Variants in GRM3 observed in about 807,000 individuals in gnomAD.
The protein encoded by GRM3 is metabotropic glutamate receptor 3.
In GRM3, 26 loss-of-function variants were observed where a neutral mutation model predicts 70.5. That is an observed-to-expected ratio of 0.37 (90% confidence interval 0.27 to 0.51). The LOEUF is 0.51. Ranked by LOEUF, GRM3 falls within the 20% of genes least tolerant of loss-of-function variation. The pLI is 0.93. For missense variants in GRM3, 859 were observed against 1,123.8 expected (o/e 0.76, Z 3.37); for synonymous variants, 443 against 434.9 (o/e 1.02, Z -0.23).
intron 2 of GRM3, among the ~76,000 whole-genome samples, chr7:86,778,372 A>G (rs1796951461): frequency 6.6e-6 from 1 of 152,186 alleles, no homozygotes; most frequent in Non-Finnish European, 1.5e-5. Context: ...TAATTCTCAT[A>G]GCACTAAAAA....
At chr7:86,661,600 G>A in intron 1 of GRM3, among the ~76,000 whole-genome samples, 1 of 151,928 alleles carries the variant, frequency 6.6e-6, no homozygotes, top group East Asian at 1.9e-4. Context: ...TTTTCCTAAG[G>A]TTAGAAAAAT....
At chr7:86,667,776 T>C (rs1234815434) in intron 1 of GRM3, among the ~76,000 whole-genome samples, 1 of 152,154 alleles carries the variant, frequency 6.6e-6, no homozygotes, top group Admixed American at 6.6e-5. Context: ...AACGGTGTAC[T>C]CTTGAGAAAT....
chr7:86,665,400 A>G (rs1258247072), intron 1 of GRM3, among the ~76,000 whole-genome samples: 1 of 152,088 alleles, frequency 6.6e-6, no homozygotes, highest in Non-Finnish European at 1.5e-5. Flanking sequence ...AGGCTCTGGC[A>G]CTTGATAGGT....
chr7:86,818,861 C>T lies in GRM3; in HGVS notation c.1325-19978C>T, dbSNP rs181163139. ...AAATATCTGATCCAACAATGCCACACGATGTGGGCCAATTTCCTGGACATG... is the reference window on the plus strand; with the variant it reads ...AAATATCTGATCCAACAATGCCACATGATGTGGGCCAATTTCCTGGACATG... On this transcript the variant is annotated intron_variant, in intron 3 of 5. Transcript: ENST00000361669. 9.2e-5 allele frequency among the ~76,000 whole-genome samples: 14 copies of T among 152,192 alleles called. No individual in the cohort carries two copies. In the East Asian group the frequency reaches 2.3e-3, roughly 25 times the overall value.
chr7:86,673,473 AT>A (rs1441779262), intron 1 of GRM3, among the ~76,000 whole-genome samples: 1 of 151,980 alleles, frequency 6.6e-6, no homozygotes, highest in Non-Finnish European at 1.5e-5. Flanking sequence ...TTCTGTCTAC[AT>A]TTTCAAGTTT....
At chr7:86,843,579 A>C (rs1279568638) in intron 4 of GRM3, among the ~76,000 whole-genome samples, 1 of 152,200 alleles carries the variant, frequency 6.6e-6, no homozygotes, top group Non-Finnish European at 1.5e-5. Context: ...TACATAGCTT[A>C]AATTGTGTAA....
intron 1 of GRM3, among the ~76,000 whole-genome samples, chr7:86,726,723 C>T (rs894540458): frequency 3.3e-5 from 5 of 152,176 alleles, no homozygotes; most frequent in Non-Finnish European, 7.4e-5. Context: ...AATGAAAGCA[C>T]TAAGAACTTC....
chr7:86,763,079 G>T (rs897293478), intron 1 of GRM3, among the ~76,000 whole-genome samples: 1 of 152,146 alleles, frequency 6.6e-6, no homozygotes, highest in Non-Finnish European at 1.5e-5. Flanking sequence ...TTGAGATTGT[G>T]CATTAGAGTG....
intron 5 of GRM3, among the ~76,000 whole-genome samples, chr7:86,851,540 C>G (rs1798754964): frequency 6.6e-6 from 1 of 152,132 alleles, no homozygotes; most frequent in South Asian, 2.1e-4. Context: ...AGACAAATGA[C>G]TGCTTCACAA....
At chr7:86,660,995 T>C (rs1182077950) in intron 1 of GRM3, among the ~76,000 whole-genome samples, 2 of 151,938 alleles carry the variant, frequency 1.3e-5, no homozygotes, top group African/African-American at 4.8e-5. Flanking sequence ...GAAAAATAAT[T>C]CCTGTCCTCA....
At chr7:86,720,877 A>C (rs969983075) in intron 1 of GRM3, among the ~76,000 whole-genome samples, 1 of 152,048 alleles carries the variant, frequency 6.6e-6, no homozygotes, top group Non-Finnish European at 1.5e-5. Flanking sequence ...AAGTGAGCAA[A>C]CTCTGCCTCT....
intron 1 of GRM3, among the ~76,000 whole-genome samples, chr7:86,688,429 T>A (rs1794616795): frequency 6.6e-6 from 1 of 151,598 alleles, no homozygotes; most frequent in Non-Finnish European, 1.5e-5. Flanking sequence ...AAGGGTTAAG[T>A]CCATAGCAAG....
rs112955120 is a variant in GRM3 at position 86,654,342 on chromosome 7, G to T, written c.-141+9470G>T. The stretch of plus-strand genomic sequence containing the variant: ...CCCCCACTCTCCCAAATATTTTAAT[G>T]GTTTGAATTTTTTAAGACTCAGGAA... On this transcript the variant is annotated intron_variant, in intron 1 of 5. Transcript: ENST00000361669. Among the ~76,000 whole-genome samples the T allele has an allele frequency of 4.9e-3, 748 of 152,252 alleles. 9 individuals carry two copies. Among genetic ancestry groups the T allele is most frequent in the African/African-American group, 0.017 (707 of 41,536 alleles).
chr7:86,704,874 G>T (rs139664296), intron 1 of GRM3, among the ~76,000 whole-genome samples: 24 of 151,820 alleles, frequency 1.6e-4, no homozygotes, highest in Non-Finnish European at 2.5e-4. Context: ...ATTCTCAAAG[G>T]CTTGGGGTTT....
intron 1 of GRM3, among the ~76,000 whole-genome samples, chr7:86,715,740 TA>T: frequency 6.6e-6 from 1 of 152,144 alleles, no homozygotes; most frequent in African/African-American, 2.4e-5. Context: ...AAAGCAATTC[TA>T]ATAACTCTTG....
intron 3 of GRM3, 101 bp from the exon 4 acceptor site, chr7:86,838,738 C>T: frequency 1.5e-6 from 1 of 660,986 alleles, no homozygotes; most frequent in Non-Finnish European, 2.6e-6. Flanking sequence ...TTGGAATCAC[C>T]ATTTCCTGTT....
chr7:86,739,976 T>C (rs1390619340), intron 1 of GRM3, among the ~76,000 whole-genome samples: 1 of 152,206 alleles, frequency 6.6e-6, no homozygotes, highest in Non-Finnish European at 1.5e-5. Flanking sequence ...AAACAGTGCT[T>C]GTGTTAATAA....
intron 2 of GRM3, chr7:86,784,471 A>G (rs1051301121): frequency 3.9e-5 from 6 of 152,208 alleles, no homozygotes; most frequent in African/African-American, 1.2e-4. Context: ...CAAGCTATGC[A>G]TAGACAGGGC....
Position 86,864,472 on chromosome 7 carries a change from A to G in GRM3, c.*117A>G. 3.9e-6 allele frequency: 3 copies of G among 777,908 alleles called. No homozygotes were observed. The Admixed American group carries it at 5.4e-5, about 14-fold the overall frequency. 48.2% of individuals were successfully genotyped at this position (777,908 alleles called of 1,614,324 possible). ...AACCCTAGTACCTTTTTTTAGAAACAGTACGATAAATTATTTTTGAGGACT... is the reference window on the plus strand; with the variant it reads ...AACCCTAGTACCTTTTTTTAGAAACGGTACGATAAATTATTTTTGAGGACT... On this transcript the variant is annotated 3_prime_UTR_variant, in exon 6 of 6. Transcript: ENST00000361669.
Sources: allele counts gnomAD v4.1 joint callset (sites outside exome capture counted in the v4.1 genomes callset), GRCh38; gene constraint gnomAD v4.1.1; transcripts MANE v1.5; gene names NCBI Gene and HGNC (gene_info 2026-07-23, HGNC 2026-07-21).